Variants in PRKAG2 observed in about 807,000 individuals in gnomAD.
PRKAG2 encodes 5'-AMP-activated protein kinase subunit gamma-2.
In PRKAG2, 26 loss-of-function variants were observed where a neutral mutation model predicts 69.6. That is an observed-to-expected ratio of 0.37 (90% CI 0.27 to 0.52). The LOEUF is 0.52. Among genes scored for constraint, PRKAG2 ranks in the 20% least tolerant of loss-of-function variants. The probability of loss-of-function intolerance (pLI) is 0.90; values close to 1 mark genes in which losing one functional copy is unlikely to be tolerated. For missense variants in PRKAG2, 557 were observed against 740.0 expected (o/e 0.75, Z 2.87); for synonymous variants, 293 against 285.0 (o/e 1.03, Z -0.28).
At chr7:151,867,154 G>A (rs2080100276) in intron 1 of PRKAG2, among the ~76,000 whole-genome samples, 1 of 152,226 alleles carries the variant, frequency 6.6e-6, no homozygotes, top group African/African-American at 2.4e-5. Flanking sequence ...ACCTCTCCAG[G>A]CCATGCCATG....
At chr7:151,795,910 AATC>A (rs1223458841) in intron 1 of PRKAG2, among the ~76,000 whole-genome samples, 1 of 134,510 alleles carries the variant, frequency 7.4e-6, no homozygotes, top group African/African-American at 3.0e-5. Context: ...ATGTATATGT[AATC>A]ATGTTATATA....
chr7:151,784,802 AG>A (rs1278062825), intron 2 of PRKAG2, among the ~76,000 whole-genome samples: 2 of 152,172 alleles, frequency 1.3e-5, no homozygotes, highest in Non-Finnish European at 1.5e-5. Context: ...ATCAGGCCTG[AG>A]GAGGGAGCCC....
chr7:151,746,485 A>G (rs971253831), intron 3 of PRKAG2, among the ~76,000 whole-genome samples: 5 of 152,208 alleles, frequency 3.3e-5, no homozygotes, highest in Admixed American at 3.3e-4. Context: ...CATAAGAGAG[A>G]CCATTTTACA....
At chr7:151,816,293 GCCTA>G (rs1178255321) in intron 1 of PRKAG2, among the ~76,000 whole-genome samples, 1 of 152,116 alleles carries the variant, frequency 6.6e-6, no homozygotes, top group Non-Finnish European at 1.5e-5. Flanking sequence ...CTCTGCACTT[GCCTA>G]CCTGAGCAGG....
intron 3 of PRKAG2, among the ~76,000 whole-genome samples, chr7:151,680,271 A>T (rs1478071279): frequency 6.6e-6 from 1 of 152,102 alleles, no homozygotes; most frequent in Non-Finnish European, 1.5e-5. Flanking sequence ...ATTCATTACC[A>T]TGGTGCTTTT....
chr7:151,613,655 G>A (rs112032351), intron 5 of PRKAG2, among the ~76,000 whole-genome samples: 14,052 of 143,324 alleles, frequency 0.098, 882 homozygotes, highest in Middle Eastern at 0.14. Context: ...CCACCACCAC[G>A]CCTGGCTAAT....
intron 3 of PRKAG2, among the ~76,000 whole-genome samples, chr7:151,682,428 G>T (rs1834016755): frequency 6.6e-6 from 1 of 152,024 alleles, no homozygotes; most frequent in African/African-American, 2.4e-5. Context: ...TTGTAGAGAT[G>T]GCATCTTACT....
chr7:151,796,724 A>G (rs879295796), intron 1 of PRKAG2, among the ~76,000 whole-genome samples: 27 of 152,052 alleles, frequency 1.8e-4, no homozygotes, highest in Non-Finnish European at 3.1e-4. Flanking sequence ...TCCCCTTCGC[A>G]GAGCTGACAC....
chr7:151,783,912 CAA>C (rs536105914), intron 2 of PRKAG2, among the ~76,000 whole-genome samples: 582 of 28,880 alleles, frequency 0.02, 1 homozygote, highest in African/African-American at 0.031. Flanking sequence ...GACCCTGTCT[CAA>C]AAAAAAAAAA....
At chr7:151,716,151 T>G (rs994327710) in intron 3 of PRKAG2, among the ~76,000 whole-genome samples, 2 of 152,134 alleles carry the variant, frequency 1.3e-5, no homozygotes, top group African/African-American at 4.8e-5. Flanking sequence ...TTTAAGAAGT[T>G]TAAACATTTA....
intron 3 of PRKAG2, among the ~76,000 whole-genome samples, chr7:151,765,208 T>C (rs541358680): frequency 2.6e-5 from 4 of 152,278 alleles, no homozygotes; most frequent in East Asian, 3.9e-4. Flanking sequence ...ACAGGAAGCA[T>C]GGCTGGGGAG....
chr7:151,741,377 G>A (rs2073880604), intron 3 of PRKAG2, among the ~76,000 whole-genome samples: 1 of 151,396 alleles, frequency 6.6e-6, no homozygotes, highest in African/African-American at 2.4e-5. Context: ...TAATACAACG[G>A]ACAGAAAGAA....
intron 4 of PRKAG2, among the ~76,000 whole-genome samples, chr7:151,634,522 A>G (rs1459210252): frequency 6.6e-6 from 1 of 152,248 alleles, no homozygotes; most frequent in Non-Finnish European, 1.5e-5. Flanking sequence ...GAAAAGCTAC[A>G]CAGTAGGAGA....
chr7:151,863,020 G>T (rs1453434166), intron 1 of PRKAG2, among the ~76,000 whole-genome samples: 1 of 147,400 alleles, frequency 6.8e-6, no homozygotes, highest in African/African-American at 2.5e-5. Flanking sequence ...TAGACCCCAG[G>T]TGCAGGGGGC....
chr7:151,776,604 C>A (rs564268593), intron 3 of PRKAG2, among the ~76,000 whole-genome samples: 1 of 152,208 alleles, frequency 6.6e-6, no homozygotes, highest in Admixed American at 6.5e-5. Context: ...AGCAGGCAGC[C>A]CCAGGTCCCG....
intron 1 of PRKAG2, among the ~76,000 whole-genome samples, chr7:151,832,647 C>T (rs1219250666): frequency 1.3e-5 from 2 of 151,724 alleles, no homozygotes; most frequent in Non-Finnish European, 2.9e-5. Context: ...CAGCGTGAGC[C>T]CCCCGTGCCT....
At chr7:151,692,104 CT>C (rs1316809350) in intron 3 of PRKAG2, among the ~76,000 whole-genome samples, 1 of 152,072 alleles carries the variant, frequency 6.6e-6, no homozygotes, top group Non-Finnish European at 1.5e-5. Flanking sequence ...GTGAGGATTA[CT>C]TAAGTCTGGG....
intron 3 of PRKAG2, among the ~76,000 whole-genome samples, chr7:151,725,000 A>G (rs936841209): frequency 4.6e-5 from 7 of 151,938 alleles, no homozygotes; most frequent in African/African-American, 1.5e-4. Context: ...TGGCCTGTGG[A>G]TGCATCGACC....
chr7:151,688,796 G>A lies in PRKAG2; in HGVS notation c.467-13159C>T, dbSNP rs529183423. Among the ~76,000 whole-genome samples, 6 of 152,230 alleles carry A rather than the reference G, an allele frequency of 3.9e-5. No individual in the cohort carries two copies. In the South Asian group the frequency reaches 8.3e-4, roughly 21 times the overall value. On this transcript the variant is annotated intron_variant, in intron 3 of 15. Coordinates refer to ENST00000287878, the MANE Select transcript of PRKAG2 (RefSeq NM_016203.4). The stretch of plus-strand genomic sequence containing the variant: ...TGACGAAACTGATGAATGAAGCATG[G>A]GTACACAGATTTCTCTGTCTCTCAA...
Sources: allele counts gnomAD v4.1 joint callset (sites outside exome capture counted in the v4.1 genomes callset), GRCh38; gene constraint gnomAD v4.1.1; transcripts MANE v1.5; gene names NCBI Gene and HGNC (gene_info 2026-07-23, HGNC 2026-07-21).